MYO6: variants seen among roughly 807,000 people sequenced by gnomAD.
The protein encoded by MYO6 is myosin VI.
Under a neutral mutation model 178.7 loss-of-function variants are expected in MYO6, and 74 were observed. That is an observed-to-expected ratio of 0.41 (90% CI 0.34 to 0.50). The LOEUF is 0.50. Among genes scored for constraint, MYO6 ranks in the 20% least tolerant of loss-of-function variants. The pLI, the probability that MYO6 is intolerant of heterozygous loss-of-function variation, is 0.09. For missense variants in MYO6, 1,330 were observed against 1,547.4 expected (o/e 0.86, Z 2.36); for synonymous variants, 477 against 504.6 (o/e 0.95, Z 0.73).
chr6:75,875,270 T>C (rs1283503650), intron 20 of MYO6, among the ~76,000 whole-genome samples: 1 of 152,224 alleles, frequency 6.6e-6, no homozygotes, highest in Non-Finnish European at 1.5e-5. Context: ...TTTTGTTTAA[T>C]TAAAAATTTT....
intron 1 of MYO6, among the ~76,000 whole-genome samples, chr6:75,791,343 A>T (rs1768228380): frequency 1.3e-5 from 2 of 152,184 alleles, no homozygotes; most frequent in African/African-American, 4.8e-5. Flanking sequence ...TTAAGGTGAG[A>T]TTTAATGTTT....
intron 30 of MYO6, among the ~76,000 whole-genome samples, chr6:75,902,058 C>T (rs1232593703): frequency 6.6e-6 from 1 of 152,214 alleles, no homozygotes; most frequent in Non-Finnish European, 1.5e-5. Flanking sequence ...ACCAGCCTTG[C>T]ATCCCAGGGA....
chr6:75,805,021 ATTT>A (rs58697772), intron 1 of MYO6, among the ~76,000 whole-genome samples: 5 of 77,310 alleles, frequency 6.5e-5, no homozygotes, highest in African/African-American at 3.0e-4. Flanking sequence ...ATATATATAT[ATTT>A]TTTTTTTTTT....
chr6:75,865,440 T>G (rs1352659783), intron 16 of MYO6: 2 of 142,522 alleles, frequency 1.4e-5, no homozygotes, highest in Non-Finnish European at 3.0e-5. Flanking sequence ...CTTGGCTCAC[T>G]GCAACCTCTG....
At chr6:75,755,415 G>C (rs1482791513) in intron 1 of MYO6, among the ~76,000 whole-genome samples, 2 of 152,048 alleles carry the variant, frequency 1.3e-5, no homozygotes, top group African/African-American at 2.4e-5. Context: ...AAAAATTAGG[G>C]TCACTAAAAT....
At chr6:75,837,565 T>C (rs762730231) in intron 7 of MYO6, among the ~76,000 whole-genome samples, 1 of 152,186 alleles carries the variant, frequency 6.6e-6, no homozygotes, top group Non-Finnish European at 1.5e-5. Context: ...GAACAAAAAC[T>C]TATTAGGGGC....
At chr6:75,782,238 A>G (rs542439053) in intron 1 of MYO6, among the ~76,000 whole-genome samples, 9 of 152,260 alleles carry the variant, frequency 5.9e-5, no homozygotes, top group African/African-American at 2.2e-4. Context: ...TACTGTACAC[A>G]TTACCTTAAT....
intron 10 of MYO6, among the ~76,000 whole-genome samples, chr6:75,846,243 A>G (rs1275273877): frequency 6.6e-6 from 1 of 152,010 alleles, no homozygotes; most frequent in East Asian, 1.9e-4. Flanking sequence ...GTTATGAAAT[A>G]CTAAAGTAAG....
intron 15 of MYO6, among the ~76,000 whole-genome samples, chr6:75,861,431 C>G (rs1373926819): frequency 2.6e-5 from 4 of 152,194 alleles, no homozygotes; most frequent in Non-Finnish European, 5.9e-5. Flanking sequence ...AGGCCAGGCT[C>G]CAGGCAAGTT....
At chr6:75,884,680 G>C (rs1426231915) in intron 23 of MYO6, among the ~76,000 whole-genome samples, 1 of 151,328 alleles carries the variant, frequency 6.6e-6, no homozygotes, top group Non-Finnish European at 1.5e-5. Context: ...GGTAGGTAGG[G>C]GCTTGGGTTG....
chr6:75,845,764 C>CA (rs1774675232), intron 10 of MYO6, among the ~76,000 whole-genome samples: 1 of 151,996 alleles, frequency 6.6e-6, no homozygotes, highest in Admixed American at 6.6e-5. Flanking sequence ...GCAGGTGGAT[C>CA]ATTTGAGTTC....
In MYO6 at chr6:75,891,098, A is replaced by G. The variant is rs372277829; in HGVS notation, c.2868-130A>G. 311 of 569,014 alleles carry G rather than the reference A, an allele frequency of 5.5e-4. 1 individual carries two copies. In the East Asian group the frequency reaches 0.01, roughly 19 times the overall value. 35.2% of individuals were successfully genotyped at this position (569,014 alleles called of 1,614,324 possible). A position where few individuals can be genotyped will look rare whatever the true frequency, so the allele number is the denominator to read the frequency against. ...TATTTTATTCAAAATAAGTTGATGT[A>G]TGTGGCCAGGAGGTTAATTTGCATT... On this transcript the variant is annotated intron_variant, in intron 26 of 34. Coordinates refer to ENST00000369977, the MANE Select transcript of MYO6 (RefSeq NM_004999.4).
chr6:75,892,479 CA>C (rs778840732), intron 27 of MYO6, 50 bp from the exon 28 acceptor site: 5 of 1,611,496 alleles, frequency 3.1e-6, no homozygotes, highest in Non-Finnish European at 4.2e-6. Flanking sequence ...GGGGAGTGAT[CA>C]AGTAAACAAG....
At chr6:75,806,854 G>A (rs1047302565) in intron 1 of MYO6, among the ~76,000 whole-genome samples, 1 of 152,148 alleles carries the variant, frequency 6.6e-6, no homozygotes, top group Non-Finnish European at 1.5e-5. Context: ...ATGTCTGTTC[G>A]GGGCTCTCAG....
At chr6:75,910,228 T>A (rs1449259425) in intron 32 of MYO6, among the ~76,000 whole-genome samples, 1 of 152,178 alleles carries the variant, frequency 6.6e-6, no homozygotes, top group African/African-American at 2.4e-5. Context: ...AAAATGACAG[T>A]GAGCTGTTCT....
At chr6:75,775,658 C>G (rs1186467658) in intron 1 of MYO6, among the ~76,000 whole-genome samples, 1 of 152,180 alleles carries the variant, frequency 6.6e-6, no homozygotes, top group Non-Finnish European at 1.5e-5. Flanking sequence ...TTCTCCTTTT[C>G]CAGTTAGGCT....
chr6:75,778,823 G>C (rs946255613), intron 1 of MYO6, among the ~76,000 whole-genome samples: 3 of 151,768 alleles, frequency 2.0e-5, no homozygotes, highest in African/African-American at 7.3e-5. Context: ...TTGAGAGGCT[G>C]AGACAGGAGG....
intron 29 of MYO6, 33 bp downstream of exon 29, chr6:75,895,293 G>T: frequency 6.4e-7 from 1 of 1,559,054 alleles, no homozygotes; most frequent in Non-Finnish European, 8.8e-7. Flanking sequence ...TTTAAAAATA[G>T]GTTGTAGATA....
intron 4 of MYO6, 89 bp downstream of exon 4, chr6:75,828,702 CAG>C: frequency 2.3e-6 from 2 of 874,624 alleles, no homozygotes; most frequent in Non-Finnish European, 3.9e-6. Context: ...AATTGTCTAA[CAG>C]AAAATCATGC....
Sources: gnomAD v4.1 joint callset for allele counts (sites outside exome capture counted in the v4.1 genomes callset) on GRCh38, gnomAD v4.1.1 for gene constraint, MANE v1.5 for transcripts, NCBI Gene and HGNC (gene_info 2026-07-23, HGNC 2026-07-21) for gene names.